The following ASTN2 variants were observed in gnomAD, a reference collection of about 807,000 sequenced individuals.
ASTN2 encodes astrotactin 2.
Under a neutral mutation model 139.8 loss-of-function variants are expected in ASTN2, and 54 were observed. The observed-to-expected ratio is 0.39, with a 90% confidence interval of 0.31 to 0.48. ASTN2 has a LOEUF of 0.48. ASTN2 is among the 20% of genes least tolerant of loss of function. The pLI, the probability that ASTN2 is intolerant of heterozygous loss-of-function variation, is 0.95. For synonymous variants in ASTN2, 756 were observed against 719.5 expected (o/e 1.05, Z -0.81); for missense variants, 1,565 against 1,725.1 (o/e 0.91, Z 1.64).
At chr9:117,406,549 A>T (rs1255366534) in intron 1 of ASTN2, among the ~76,000 whole-genome samples, 2 of 151,994 alleles carry the variant, frequency 1.3e-5, no homozygotes, top group East Asian at 3.9e-4. Flanking sequence ...GTCCCTTGAA[A>T]GGTCCAGGTG....
chr9:116,449,222 A>G (rs1564284683), intron 20 of ASTN2, among the ~76,000 whole-genome samples: 1 of 152,158 alleles, frequency 6.6e-6, no homozygotes, highest in Non-Finnish European at 1.5e-5. Flanking sequence ...TCTGGGCAAC[A>G]TGGTGAAACC....
intron 7 of ASTN2, among the ~76,000 whole-genome samples, chr9:117,005,617 G>A (rs535180754): frequency 4.7e-4 from 72 of 152,240 alleles, no homozygotes; most frequent in African/African-American, 1.7e-3. Flanking sequence ...AGAACTTAGA[G>A]GCATCTTTCC....
chr9:117,162,040 A>G (rs905916491), intron 3 of ASTN2, among the ~76,000 whole-genome samples: 4 of 152,028 alleles, frequency 2.6e-5, no homozygotes, highest in Admixed American at 2.0e-4. Context: ...AAAAATGGAA[A>G]TTTCAGCTCA....
intron 16 of ASTN2, among the ~76,000 whole-genome samples, chr9:116,667,311 A>C (rs1858927622): frequency 6.6e-6 from 1 of 152,122 alleles, no homozygotes; most frequent in Non-Finnish European, 1.5e-5. Context: ...CAGTTAAGGT[A>C]ATTTGAATAT....
In ASTN2 at chr9:116,791,027, G is replaced by GAA. The variant is rs1315262437; in HGVS notation, c.2396+14603_2396+14604dup. ...AGAAAGAAAGAAAGAAAGAAAGAAA[G>GAA]AAAGAAAGAAAGAAAGAAAAGAAAA... is the stretch of plus-strand genomic sequence containing the variant. On this transcript the variant is annotated intron_variant, in intron 13 of 22. Coordinates refer to ENST00000313400, the MANE Select transcript of ASTN2 (RefSeq NM_001365068.1). 3.5e-3 allele frequency among the ~76,000 whole-genome samples: 440 copies of GAA among 123,970 alleles called. 9 individuals carry two copies. Among genetic ancestry groups the GAA allele is most frequent in the African/African-American group, 0.012 (400 of 33,306 alleles). 81.3% of individuals were successfully genotyped at this position (123,970 alleles called of 152,430 possible). A position where few individuals can be genotyped will look rare whatever the true frequency, so the allele number is the denominator to read the frequency against.
intron 19 of ASTN2, among the ~76,000 whole-genome samples, chr9:116,516,054 C>T (rs1204326862): frequency 6.6e-6 from 1 of 152,150 alleles, no homozygotes; most frequent in Non-Finnish European, 1.5e-5. Flanking sequence ...ATTTAGACAA[C>T]TGTATAATAA....
chr9:116,595,663 G>T (rs1387394975), intron 19 of ASTN2, among the ~76,000 whole-genome samples: 1 of 151,986 alleles, frequency 6.6e-6, no homozygotes, highest in African/African-American at 2.4e-5. Context: ...GTTTACATTA[G>T]ATACCTTTCT....
At chr9:116,716,551 A>G (rs1402402980) in intron 16 of ASTN2, among the ~76,000 whole-genome samples, 1 of 152,178 alleles carries the variant, frequency 6.6e-6, no homozygotes, top group Non-Finnish European at 1.5e-5. Flanking sequence ...AACACCTTAC[A>G]CAAGTCACTA....
At chr9:117,318,935 G>A (rs1287560174) in intron 1 of ASTN2, among the ~76,000 whole-genome samples, 2 of 152,168 alleles carry the variant, frequency 1.3e-5, no homozygotes, top group South Asian at 2.1e-4. Flanking sequence ...CTGGGGAAGC[G>A]GGGGCGAGTT....
intron 14 of ASTN2, among the ~76,000 whole-genome samples, chr9:116,730,987 G>C (rs1828762766): frequency 6.6e-6 from 1 of 151,972 alleles, no homozygotes; most frequent in Admixed American, 6.6e-5. Flanking sequence ...GCCTAGAAGA[G>C]AGCCTGGCTT....
intron 10 of ASTN2, among the ~76,000 whole-genome samples, chr9:116,935,841 C>T (rs1009395316): frequency 6.6e-6 from 1 of 152,060 alleles, no homozygotes; most frequent in African/African-American, 2.4e-5. Context: ...TTTCAGGCAC[C>T]GTTATCACAC....
At position 116,946,531 on chromosome 9, in the gene ASTN2, C is replaced by T. The variant is rs191407533; in HGVS notation, c.1889+28677G>A. Among the ~76,000 whole-genome samples, 40 of 152,140 alleles carry T rather than the reference C, an allele frequency of 2.6e-4. 1 individual carries two copies. The highest frequency in any genetic ancestry group is 3.4e-3 in the Middle Eastern group (1 of 292). ...AAATTCCTTAGCTGTACAACTTTCT[C>T]GAAATCTAATAATGATCACTGAGTG... is the stretch of plus-strand genomic sequence containing the variant. On this transcript the variant is annotated intron_variant, in intron 10 of 22. Coordinates refer to ENST00000313400, the MANE Select transcript of ASTN2 (RefSeq NM_001365068.1).
chr9:117,398,399 T>G (rs1245767442), intron 1 of ASTN2, among the ~76,000 whole-genome samples: 2 of 152,204 alleles, frequency 1.3e-5, no homozygotes, highest in Non-Finnish European at 2.9e-5. Context: ...ATGCATGTTT[T>G]GTTCAGATGA....
chr9:116,925,661 C>A, intron 10 of ASTN2, among the ~76,000 whole-genome samples: 1 of 150,748 alleles, frequency 6.6e-6, no homozygotes, highest in East Asian at 2.0e-4. Context: ...GTTTCTCAGA[C>A]AAATCTAAAT....
At chr9:117,318,743 CTCAAGCAGG>C (rs1194086085) in intron 1 of ASTN2, among the ~76,000 whole-genome samples, 1 of 152,156 alleles carries the variant, frequency 6.6e-6, no homozygotes, top group African/African-American at 2.4e-5. Flanking sequence ...AAATCGAGGG[CTCAAGCAGG>C]TACACGTCTC....
At chr9:117,242,984 C>T (rs948549632) in intron 2 of ASTN2, among the ~76,000 whole-genome samples, 4 of 152,206 alleles carry the variant, frequency 2.6e-5, no homozygotes, top group Non-Finnish European at 5.9e-5. Context: ...TCATCGCCAT[C>T]GTCATCATCA....
intron 19 of ASTN2, among the ~76,000 whole-genome samples, chr9:116,521,858 T>G (rs1235158817): frequency 6.6e-6 from 1 of 151,946 alleles, no homozygotes; most frequent in Admixed American, 6.6e-5. Flanking sequence ...GTTAAGGACA[T>G]GAGTAGACAA....
chr9:116,907,164 A>G (rs768449732), intron 10 of ASTN2, among the ~76,000 whole-genome samples: 2 of 152,194 alleles, frequency 1.3e-5, no homozygotes, highest in Non-Finnish European at 2.9e-5. Flanking sequence ...AAAGTGTGAA[A>G]CGTGGAGTAG....
intron 1 of ASTN2, among the ~76,000 whole-genome samples, chr9:117,366,981 G>A (rs1269731486): frequency 6.6e-6 from 1 of 152,138 alleles, no homozygotes; most frequent in African/African-American, 2.4e-5. Flanking sequence ...CACCATGTTG[G>A]TCAGGCTGAT....
Sources: gnomAD v4.1 joint callset for allele counts (sites outside exome capture counted in the v4.1 genomes callset) on GRCh38, gnomAD v4.1.1 for gene constraint, MANE v1.5 for transcripts, NCBI Gene and HGNC (gene_info 2026-07-23, HGNC 2026-07-21) for gene names.